The following NPSR1 variants were observed in gnomAD, a reference collection of about 807,000 sequenced individuals.
The protein encoded by NPSR1 is neuropeptide S receptor.
Under a neutral mutation model 46.9 loss-of-function variants are expected in NPSR1, and 48 were observed. The ratio of observed to expected loss-of-function variants is 1.02; its 90% CI spans 0.81 to 1.30. The LOEUF is 1.30. Ranked by LOEUF, NPSR1 falls within the 50% of genes most tolerant of loss-of-function variation. The pLI is 0.00. For missense variants in NPSR1, 450 were observed against 449.5 expected (o/e 1.00, Z -0.01); for synonymous variants, 176 against 168.1 (o/e 1.05, Z -0.36).
intron 6 of NPSR1, among the ~76,000 whole-genome samples, chr7:34,838,004 A>G (rs1018372380): frequency 2.0e-5 from 3 of 152,104 alleles, no homozygotes; most frequent in Non-Finnish European, 4.4e-5. Flanking sequence ...GTTTCTGCCA[A>G]TTCCATGGGT....
chr7:34,814,708 C>T (rs1488118862), intron 4 of NPSR1, among the ~76,000 whole-genome samples: 2 of 152,190 alleles, frequency 1.3e-5, no homozygotes, highest in Non-Finnish European at 2.9e-5. Flanking sequence ...AAGGATCAGG[C>T]AGCAATGTTT....
chr7:34,826,994 C>A (rs1157452833), intron 4 of NPSR1, among the ~76,000 whole-genome samples: 1 of 152,102 alleles, frequency 6.6e-6, no homozygotes, highest in African/African-American at 2.4e-5. Context: ...GCCACGTGGA[C>A]CAAAGGCTGT....
intron 2 of NPSR1, among the ~76,000 whole-genome samples, chr7:34,721,652 A>G (rs1374687475): frequency 6.6e-6 from 1 of 152,274 alleles, no homozygotes; most frequent in Non-Finnish European, 1.5e-5. Context: ...CAGTGACTTT[A>G]GATTTCTTTG....
chr7:34,679,043 A>C (rs557438853), intron 1 of NPSR1, among the ~76,000 whole-genome samples: 1 of 152,322 alleles, frequency 6.6e-6, no homozygotes, highest in South Asian at 2.1e-4. Context: ...TGTGAAGTCA[A>C]ATTTGAATGA....
chr7:34,746,722 G>C (rs1177604128), intron 2 of NPSR1, among the ~76,000 whole-genome samples: 1 of 152,138 alleles, frequency 6.6e-6, no homozygotes, highest in Non-Finnish European at 1.5e-5. Flanking sequence ...CCTATTTCTT[G>C]GTCTTGAGTT....
In NPSR1 at chr7:34,782,528, C is replaced by T. The variant is rs568735035; in HGVS notation, c.384+3963C>T. On this transcript the variant is annotated intron_variant, in intron 3 of 8. Transcript: ENST00000360581. ...AGCTGAAAAAGCTACACAGAGACTA[C>T]AAATCTGCACCATCACTGATGCTAC... Among the ~76,000 whole-genome samples the T allele has an allele frequency of 2.0e-5, 3 of 152,264 alleles. No homozygotes were observed. In the South Asian group the frequency reaches 6.2e-4, roughly 32 times the overall value.
At chr7:34,773,952 C>T (rs1786814110) in intron 2 of NPSR1, among the ~76,000 whole-genome samples, 1 of 152,212 alleles carries the variant, frequency 6.6e-6, no homozygotes, top group Non-Finnish European at 1.5e-5. Flanking sequence ...AACCACATGT[C>T]TCTGTCTCAG....
At chr7:34,761,081 T>C (rs1786150071) in intron 2 of NPSR1, 1 of 152,414 alleles carries the variant, frequency 6.6e-6, no homozygotes, top group South Asian at 2.1e-4. Flanking sequence ...CCCTAGAAAA[T>C]GAAATGATCT....
Position 34,848,552 on chromosome 7 carries a change from C to A in NPSR1, c.914C>A (p.Thr305Asn), listed in dbSNP as rs761525067. The A allele has an allele frequency of 6.2e-7, 1 of 1,614,180 alleles. No homozygotes were observed. The highest frequency in any genetic ancestry group is 2.2e-5 in the East Asian group (1 of 44,886). ...ILDNFNLLPD[T>N]QERFYASVII... ...GACAATTTCAACCTCCTTCCAGACA[C>A]CCAGGAGCGTTTCTATGCCTCTGTG... Residue 305 changes from threonine to asparagine, a missense_variant, in exon 8 of 9, where the codon ACC becomes AAC. Thr to Asn is a moderately conservative substitution (Grantham distance 65). Transcript: ENST00000360581.
chr7:34,777,204 T>C (rs1583996724), intron 2 of NPSR1, among the ~76,000 whole-genome samples: 1 of 152,134 alleles, frequency 6.6e-6, no homozygotes, highest in East Asian at 1.9e-4. Flanking sequence ...TTTAGAGCCC[T>C]AGAGCACTTT....
At chr7:34,761,869 G>C (rs1235524544) in intron 2 of NPSR1, among the ~76,000 whole-genome samples, 1 of 152,176 alleles carries the variant, frequency 6.6e-6, no homozygotes, top group Non-Finnish European at 1.5e-5. Flanking sequence ...TTCCCCTTAA[G>C]TGGAGTGAGG....
intron 1 of NPSR1, among the ~76,000 whole-genome samples, chr7:34,666,097 C>A (rs1196912133): frequency 1.3e-5 from 2 of 152,176 alleles, no homozygotes; most frequent in African/African-American, 2.4e-5. Flanking sequence ...ATTCACCAAC[C>A]ATTTGGCTTG....
At chr7:34,660,054 G>A (rs562344093) in intron 1 of NPSR1, 1 of 455,432 alleles carries the variant, frequency 2.2e-6, no homozygotes, top group African/African-American at 2.0e-5. Context: ...CACCTACAGG[G>A]ATATTTGGAA....
chr7:34,790,754 T>TTATATGTTATA (rs1787726591), intron 3 of NPSR1, among the ~76,000 whole-genome samples: 2 of 128,798 alleles, frequency 1.6e-5, no homozygotes, highest in African/African-American at 5.4e-5. Context: ...ATAATATATG[T>TTATATGTTATA]TATATGTTAT....
intron 3 of NPSR1, among the ~76,000 whole-genome samples, chr7:34,785,929 C>G (rs1055487985): frequency 6.6e-6 from 1 of 152,074 alleles, no homozygotes; most frequent in South Asian, 2.1e-4. Context: ...AAATATTGGC[C>G]TTTTTACTGT....
At chr7:34,867,409 C>T (rs57353220) in intron 8 of NPSR1, among the ~76,000 whole-genome samples, 1 of 151,838 alleles carries the variant, frequency 6.6e-6, no homozygotes, top group East Asian at 1.9e-4. Context: ...CTGTTTCTAT[C>T]TTCAGTAAAG....
intron 2 of NPSR1, among the ~76,000 whole-genome samples, chr7:34,721,177 T>G (rs1783839262): frequency 6.6e-6 from 1 of 152,034 alleles, no homozygotes; most frequent in African/African-American, 2.4e-5. Context: ...GAGGCAATAA[T>G]GATCAAAACA....
chr7:34,852,754 C>A (rs1332998629), downstream of NPSR1, among the ~76,000 whole-genome samples: 3 of 152,082 alleles, frequency 2.0e-5, no homozygotes, highest in Non-Finnish European at 4.4e-5. Context: ...GAGAAGCCAG[C>A]AGGACGATAC....
intron 4 of NPSR1, among the ~76,000 whole-genome samples, chr7:34,820,991 C>T (rs957914119): frequency 3.3e-5 from 5 of 152,208 alleles, no homozygotes; most frequent in African/African-American, 9.6e-5. Flanking sequence ...CACCTGAACC[C>T]GCACTGCCCA....
Sources: gnomAD v4.1 joint callset for allele counts (sites outside exome capture counted in the v4.1 genomes callset) on GRCh38, gnomAD v4.1.1 for gene constraint, MANE v1.5 for transcripts, NCBI Gene and HGNC (gene_info 2026-07-23, HGNC 2026-07-21) for gene names.